SIGLEC15: variants seen among roughly 807,000 people sequenced by gnomAD.
The protein encoded by SIGLEC15 is sialic acid binding Ig like lectin 15.
Under a neutral mutation model 26.2 loss-of-function variants are expected in SIGLEC15, and 31 were observed. The ratio of observed to expected loss-of-function variants is 1.18; its 90% CI spans 0.89 to 1.60. SIGLEC15 has a LOEUF of 1.60. SIGLEC15 is among the 40% of genes most tolerant of loss of function. The pLI, the probability that SIGLEC15 is intolerant of heterozygous loss-of-function variation, is 0.00. For synonymous variants in SIGLEC15, 207 were observed against 221.9 expected (o/e 0.93, Z 0.60); for missense variants, 501 against 488.4 (o/e 1.03, Z -0.24).
intron 4 of SIGLEC15, among the ~76,000 whole-genome samples, chr18:45,839,980 G>A (rs981209150): frequency 2.6e-5 from 4 of 152,150 alleles, no homozygotes; most frequent in Non-Finnish European, 5.9e-5. Flanking sequence ...TTTGTGCTCA[G>A]GGTGCTCAGA....
rs746164935 is a variant in SIGLEC15 at position 45,838,754 on chromosome 18, G to C, written c.533G>C (p.Ser178Thr). ...PRIVNISVLPSPAHAFRALCT... is the reference protein window; with the variant it reads ...PRIVNISVLPTPAHAFRALCT... ...ATCGTCAACATCTCGGTGCTGCCCAGTCCGGCTCACGCCTTCCGCGCGCTC... is the reference window on the plus strand; with the variant it reads ...ATCGTCAACATCTCGGTGCTGCCCACTCCGGCTCACGCCTTCCGCGCGCTC... The change falls in exon 4 of 6, where the codon AGT becomes ACT. Residue 178 changes from serine (S) to threonine (T), a missense_variant. Physicochemically the swap from Ser to Thr is moderately conservative, Grantham distance 58 (BLOSUM62 1). Transcript: ENST00000389474. 16 of 1,582,790 alleles carry C rather than the reference G, an allele frequency of 1.0e-5. No individual in the cohort carries two copies. In the East Asian group the frequency reaches 1.1e-4, roughly 11 times the overall value.
chr18:45,839,009 C>T lies in SIGLEC15; in HGVS notation c.788C>T (p.Thr263Met). 2 of 1,591,740 alleles carry T rather than the reference C, an allele frequency of 1.3e-6. No homozygotes were observed. The highest frequency in any genetic ancestry group is 8.5e-7 in the Non-Finnish European group (1 of 1,175,046). ...TTCCATGGCGCCAGCGGGGCCTCGA[C>T]GGTCGCCCTCCTGCTCGGCGCTCTC... Reference protein sequence around the residue: ...FRFHGASGASTVALLLGALGF... With the variant: ...FRFHGASGASMVALLLGALGF... The change falls in exon 4 of 6, where the codon ACG becomes ATG. Residue 263 changes from threonine to methionine, a missense_variant. Coordinates refer to ENST00000389474, the MANE Select transcript of SIGLEC15 (RefSeq NM_213602.3).
At position 45,838,867 on chromosome 18, in the gene SIGLEC15, G is replaced by T. The variant is rs1407256969; in HGVS notation, c.646G>T (p.Glu216Ter). Residue 216 changes from glutamate to a stop codon, truncating the protein, a stop_gained, in exon 4 of 6, where the codon GAG becomes TAG. Transcript: ENST00000389474. LOFTEE classifies it high-confidence loss of function. ...NSLAAVRSPR[E>*]GHGHLVTAEL... ...CTTGGCAGCCGTGCGGAGCCCGCGT[G>T]AGGGTCACGGCCACCTAGTGACCGC... The T allele has an allele frequency of 3.2e-6, 5 of 1,586,076 alleles. No homozygotes were observed. The highest frequency in any genetic ancestry group is 4.3e-6 in the Non-Finnish European group (5 of 1,170,984).
chr18:45,835,033 G>T (rs927157029), intron 1 of SIGLEC15, among the ~76,000 whole-genome samples: 4 of 151,934 alleles, frequency 2.6e-5, no homozygotes, highest in Non-Finnish European at 5.9e-5. Context: ...GAGATAAAAT[G>T]TTAGGTCCTC....
chr18:45,835,079 A>G (rs1286532982), intron 1 of SIGLEC15, among the ~76,000 whole-genome samples: 8 of 149,726 alleles, frequency 5.3e-5, no homozygotes, highest in Admixed American at 1.3e-4. Context: ...ATTTGTCCAG[A>G]AAAAAAAAAG....
At chr18:45,838,694 AG>A in intron 3 of SIGLEC15, 23 bp from the exon 4 acceptor site, 1 of 1,544,584 alleles carries the variant, frequency 6.5e-7, no homozygotes, top group Non-Finnish European at 8.7e-7. Flanking sequence ...CCCTTGTGAC[AG>A]TCACCCGCCT....
In SIGLEC15 at chr18:45,837,698, G is replaced by A; in HGVS notation, c.298G>A (p.Gly100Ser). ...GGTGTTCCGCTGCGCTGCGGCGCGG[G>A]GCAGCGAGCTCTGCCAGACGGCGCT... The part of the protein sequence containing the change: ...PQVFRCAAAR[G>S]SELCQTALSL... The change falls in exon 3 of 6, where the codon GGC becomes AGC. Residue 100 changes from glycine (G) to serine (S), a missense_variant. Transcript: ENST00000389474. The A allele has an allele frequency of 1.4e-6, 2 of 1,478,968 alleles. No individual in the cohort carries two copies. Among genetic ancestry groups the A allele is most frequent in the Non-Finnish European group, 1.8e-6 (2 of 1,124,368 alleles). The allele number at this position is 1,478,968 out of a possible 1,614,324, so 91.6% of individuals were successfully genotyped here. A position where few individuals can be genotyped will look rare whatever the true frequency, so the allele number is the denominator to read the frequency against.
intron 1 of SIGLEC15, chr18:45,829,120 C>T: frequency 1.0e-6 from 1 of 985,690 alleles, no homozygotes. Context: ...AAGAGCAGCA[C>T]TCTGGGGTGG....
rs568729219 is a variant in SIGLEC15 at position 45,840,414 on chromosome 18, C to CA, written c.905+175dup. Among the ~76,000 whole-genome samples, 517 of 152,248 alleles carry CA rather than the reference C, an allele frequency of 3.4e-3. 2 individuals are homozygous for CA. The highest frequency in any genetic ancestry group is 0.012 in the African/African-American group (496 of 41,544). On this transcript the variant is annotated intron_variant, in intron 5 of 5. Coordinates refer to ENST00000389474, the MANE Select transcript of SIGLEC15 (RefSeq NM_213602.3). ...CCAAGGCACCCCTCTTGCAGCCTGC[C>CA]AAGGTCTTCCCTGGACAGACCAAGC...
At chr18:45,841,314 G>A (rs1049970514) in intron 5 of SIGLEC15, among the ~76,000 whole-genome samples, 3 of 152,148 alleles carry the variant, frequency 2.0e-5, no homozygotes, top group African/African-American at 7.2e-5. Flanking sequence ...GTAAGACAGG[G>A]ACAGTAGGGG....
intron 1 of SIGLEC15, among the ~76,000 whole-genome samples, chr18:45,832,024 G>C (rs1027866995): frequency 1.3e-5 from 2 of 152,190 alleles, no homozygotes; most frequent in African/African-American, 2.4e-5. Context: ...GAGCCGCCAC[G>C]CCCGGCCCAA....
At chr18:45,840,277 C>G (rs768832104) in intron 5 of SIGLEC15, 36 bp downstream of exon 5, 1 of 1,603,508 alleles carries the variant, frequency 6.2e-7, no homozygotes, top group South Asian at 1.1e-5. Context: ...TACCCTACCC[C>G]ACCCACCTAG....
Position 45,838,562 on chromosome 18 carries a change from T to C in SIGLEC15, c.497-156T>C. 1.0e-5 allele frequency: 10 copies of C among 963,000 alleles called. No individual in the cohort carries two copies. In the South Asian group the frequency reaches 1.9e-4, roughly 18 times the overall value. 59.7% of individuals were successfully genotyped at this position (963,000 alleles called of 1,614,324 possible). A position where few individuals can be genotyped will look rare whatever the true frequency, so the allele number is the denominator to read the frequency against. ...AAGCAGAAGCAGAGATGATAGAATC[T>C]TTCGCCCAAGGCCACATCTGTATTG... On this transcript the variant is annotated intron_variant, in intron 3 of 5. Transcript: ENST00000389474.
chr18:45,839,169 G>T lies in SIGLEC15; in HGVS notation c.874+74G>T, dbSNP rs185197845. 454 of 1,336,282 alleles carry T rather than the reference G, an allele frequency of 3.4e-4. 4 individuals are homozygous for T. The African/African-American group carries it at 6.7e-3, about 20-fold the overall frequency. 82.8% of individuals were successfully genotyped at this position (1,336,282 alleles called of 1,614,324 possible). A position where few individuals can be genotyped will look rare whatever the true frequency, so the allele number is the denominator to read the frequency against. ...CTCTGCTCTTAGATAAGACCACCTG[G>T]CTGACCCCCTGGCACTGCCAGAATG... On this transcript the variant is annotated intron_variant, in intron 4 of 5. Transcript: ENST00000389474.
Position 45,838,119 on chromosome 18 carries a change from C to G in SIGLEC15, c.496+223C>G, listed in dbSNP as rs527518955. Reference sequence around the variant, plus strand: ...GTCCCAGGAAGGGCTGAGGTGGGCCCGGGAATAGGCATTGCCGTGACTCTC... The same window carrying G: ...GTCCCAGGAAGGGCTGAGGTGGGCCGGGGAATAGGCATTGCCGTGACTCTC... On this transcript the variant is annotated intron_variant, in intron 3 of 5. Coordinates refer to ENST00000389474, the MANE Select transcript of SIGLEC15 (RefSeq NM_213602.3). Among the ~76,000 whole-genome samples, 3 of 152,328 alleles carry G rather than the reference C, an allele frequency of 2.0e-5. No individual in the cohort carries two copies. In the South Asian group the frequency reaches 6.2e-4, roughly 32 times the overall value.
intron 1 of SIGLEC15, among the ~76,000 whole-genome samples, chr18:45,827,038 C>A (rs1261971072): frequency 6.6e-6 from 1 of 152,154 alleles, no homozygotes; most frequent in Admixed American, 6.5e-5. Context: ...CCTCAGCCTC[C>A]CAAGTAGCTG....
chr18:45,836,162 C>T (rs2145058658), intron 1 of SIGLEC15, among the ~76,000 whole-genome samples: 1 of 152,248 alleles, frequency 6.6e-6, no homozygotes, highest in East Asian at 1.9e-4. Context: ...TAAATTACCT[C>T]AAAAAGCAAA....
At chr18:45,825,803 G>A (rs1209138785) in intron 1 of SIGLEC15, 23 bp downstream of exon 1, 8 of 1,613,928 alleles carry the variant, frequency 5.0e-6, no homozygotes, top group Non-Finnish European at 6.8e-6. Flanking sequence ...TACTCTCTCT[G>A]GCCCATGCTC....
chr18:45,831,093 T>C (rs1373167779), intron 1 of SIGLEC15, among the ~76,000 whole-genome samples: 1 of 152,184 alleles, frequency 6.6e-6, no homozygotes, highest in Non-Finnish European at 1.5e-5. Flanking sequence ...GAGCTAGGGC[T>C]GGAGCCCCGG....
Sources: allele counts gnomAD v4.1 joint callset (sites outside exome capture counted in the v4.1 genomes callset), GRCh38; gene constraint gnomAD v4.1.1; transcripts MANE v1.5; gene names NCBI Gene and HGNC (gene_info 2026-07-23, HGNC 2026-07-21).